ZNF438: variants seen among roughly 807,000 people sequenced by gnomAD.
ZNF438 encodes the protein zinc finger protein 438.
Under a neutral mutation model 38.0 loss-of-function variants are expected in ZNF438, and 25 were observed. That is an observed-to-expected ratio of 0.66 (90% confidence interval 0.48 to 0.92). The LOEUF (loss-of-function observed/expected upper bound fraction) is 0.92. ZNF438 is among the 40% of genes least tolerant of loss of function. The probability of loss-of-function intolerance (pLI) is 0.00; values close to 1 mark genes in which losing one functional copy is unlikely to be tolerated. For synonymous variants in ZNF438, 372 were observed against 364.1 expected, an observed-to-expected ratio of 1.02 and a Z score of -0.25; for missense variants, 1,007 against 999.6, an observed-to-expected ratio of 1.01 and a Z score of -0.10.
At chr10:30,972,931 G>A (rs933185128) in intron 1 of ZNF438, among the ~76,000 whole-genome samples, 2 of 152,154 alleles carry the variant, frequency 1.3e-5, no homozygotes, top group Non-Finnish European at 1.5e-5. Flanking sequence ...GATATAATTT[G>A]TAGCTAGTAG....
chr10:30,900,743 G>A (rs2134243250), intron 3 of ZNF438, among the ~76,000 whole-genome samples: 1 of 152,240 alleles, frequency 6.6e-6, no homozygotes, highest in South Asian at 2.1e-4. Flanking sequence ...AAATTAAAAT[G>A]CACAACAGAA....
intron 2 of ZNF438, among the ~76,000 whole-genome samples, chr10:30,932,481 C>T (rs957058650): frequency 1.3e-4 from 20 of 152,160 alleles, no homozygotes; most frequent in African/African-American, 4.8e-4. Flanking sequence ...GTCCTTACTG[C>T]AATCCTATAA....
chr10:30,845,890 G>A (rs150148643), intron 5 of ZNF438, among the ~76,000 whole-genome samples: 6 of 152,324 alleles, frequency 3.9e-5, no homozygotes, highest in East Asian at 1.9e-4. Flanking sequence ...GAAGAGTCAC[G>A]TAAGAGCGCG....
At chr10:30,961,517 C>T (rs1331679312) in intron 1 of ZNF438, among the ~76,000 whole-genome samples, 3 of 145,924 alleles carry the variant, frequency 2.1e-5, no homozygotes, top group Non-Finnish European at 3.1e-5. Context: ...ATTGTATAAT[C>T]GCATTTTATT....
intron 1 of ZNF438, among the ~76,000 whole-genome samples, chr10:30,952,094 C>A (rs1292942810): frequency 6.6e-6 from 1 of 151,484 alleles, no homozygotes; most frequent in East Asian, 1.9e-4. Context: ...AGAAATAACG[C>A]TGCCTATCTA....
intron 4 of ZNF438, among the ~76,000 whole-genome samples, chr10:30,865,119 C>T (rs894641222): frequency 5.3e-5 from 8 of 152,198 alleles, no homozygotes; most frequent in Non-Finnish European, 1.0e-4. Flanking sequence ...TTCCAGTGAC[C>T]GGTGAGTGCC....
intron 4 of ZNF438, among the ~76,000 whole-genome samples, chr10:30,867,783 T>C (rs1171989314): frequency 6.6e-6 from 1 of 152,194 alleles, no homozygotes; most frequent in East Asian, 1.9e-4. Flanking sequence ...GGCAGATCAA[T>C]AGGAGAGAGT....
chr10:30,923,569 A>C (rs1291229563), intron 2 of ZNF438, among the ~76,000 whole-genome samples: 1 of 152,206 alleles, frequency 6.6e-6, no homozygotes, highest in Admixed American at 6.5e-5. Context: ...GAAAGCTGTT[A>C]CGCGCACCCT....
intron 2 of ZNF438, among the ~76,000 whole-genome samples, chr10:30,933,413 T>C (rs1229147393): frequency 6.6e-6 from 1 of 152,210 alleles, no homozygotes; most frequent in Non-Finnish European, 1.5e-5. Flanking sequence ...ACAAATTATA[T>C]CAGTTACTAG....
intron 1 of ZNF438, among the ~76,000 whole-genome samples, chr10:31,021,405 T>C (rs1477848377): frequency 6.6e-6 from 1 of 152,186 alleles, no homozygotes; most frequent in Non-Finnish European, 1.5e-5. Flanking sequence ...GTTCTTTATT[T>C]CATACTGAAA....
intron 3 of ZNF438, among the ~76,000 whole-genome samples, chr10:30,879,593 C>T (rs973781626): frequency 2.0e-5 from 3 of 151,962 alleles, no homozygotes; most frequent in African/African-American, 7.3e-5. Flanking sequence ...ATTTCATGTG[C>T]TCAAAATGTT....
intron 1 of ZNF438, among the ~76,000 whole-genome samples, chr10:31,026,403 AAAC>A (rs2056945872): frequency 6.6e-6 from 1 of 151,502 alleles, no homozygotes. Flanking sequence ...AGAAAAAATC[AAAC>A]AACCCCATCA....
chr10:30,993,305 G>A (rs913573484), intron 1 of ZNF438, among the ~76,000 whole-genome samples: 1 of 152,188 alleles, frequency 6.6e-6, no homozygotes, highest in African/African-American at 2.4e-5. Context: ...ATGGTTTTGT[G>A]GGAGCCCATG....
At chr10:30,977,306 T>C (rs918734583) in intron 1 of ZNF438, among the ~76,000 whole-genome samples, 5 of 152,244 alleles carry the variant, frequency 3.3e-5, no homozygotes, top group Admixed American at 6.5e-5. Context: ...ATAAACTTTC[T>C]GCCATAACAA....
intron 3 of ZNF438, among the ~76,000 whole-genome samples, chr10:30,879,836 G>A (rs1279105275): frequency 6.6e-6 from 1 of 151,992 alleles, no homozygotes; most frequent in African/African-American, 2.4e-5. Flanking sequence ...TGAGCTGCAG[G>A]CCAACTTTAA....
intron 1 of ZNF438, among the ~76,000 whole-genome samples, chr10:30,970,147 TAC>T (rs1415284890): frequency 3.4e-5 from 5 of 147,014 alleles, no homozygotes; most frequent in African/African-American, 7.6e-5. Flanking sequence ...CACACACATA[TAC>T]ACACACACAC....
At chr10:30,944,796 T>C (rs1432482929) in intron 1 of ZNF438, among the ~76,000 whole-genome samples, 1 of 152,214 alleles carries the variant, frequency 6.6e-6, no homozygotes, top group Non-Finnish European at 1.5e-5. Context: ...GGAGAAACGG[T>C]TGTTTCAAGG....
chr10:30,984,553 GAACT>G (rs1252154264), intron 1 of ZNF438, 127 bp from the exon 2 acceptor site: 3 of 151,968 alleles, frequency 2.0e-5, no homozygotes, highest in African/African-American at 7.2e-5. Context: ...GATAATAAAA[GAACT>G]AATGTAGAAG....
chr10:30,896,006 T>C (rs1237184680), intron 3 of ZNF438, among the ~76,000 whole-genome samples: 1 of 152,064 alleles, frequency 6.6e-6, no homozygotes, highest in Non-Finnish European at 1.5e-5. Flanking sequence ...TGTGTGAATG[T>C]CAAAAAGAAC....
Sources: gnomAD v4.1 joint callset for allele counts (sites outside exome capture counted in the v4.1 genomes callset) on GRCh38, gnomAD v4.1.1 for gene constraint, MANE v1.5 for transcripts, NCBI Gene and HGNC (gene_info 2026-07-23, HGNC 2026-07-21) for gene names.